The following OR1J2 variants were observed in gnomAD, a reference collection of about 807,000 sequenced individuals.
OR1J2 encodes the protein olfactory receptor 1J2.
For missense variants in OR1J2, 304 were observed against 246.1 expected (o/e 1.24, Z -1.57); for synonymous variants, 142 against 99.7 (o/e 1.42, Z -2.52).
chr9:122,466,558 C>T, the OR1J2 span, among the ~76,000 whole-genome samples: 288 of 152,276 alleles, frequency 1.9e-3, 1 homozygote, highest in Non-Finnish European at 3.4e-3. Context: ...TACTAAAAAC[C>T]ACTAACATTC....
At chr9:122,511,839 GC>G (rs1828644760), downstream of OR1J2, 5 of 689,612 alleles carry the variant, frequency 7.3e-6, no homozygotes, top group South Asian at 8.3e-5. Context: ...ATGTCCTGAA[GC>G]CCTAAGACAA....
the OR1J2 span, among the ~76,000 whole-genome samples, chr9:122,560,099 T>C: frequency 1.1e-3 from 172 of 152,322 alleles, no homozygotes; most frequent in Non-Finnish European, 1.4e-3. Context: ...TGTTTGTCTT[T>C]TTTTATTTTT....
chr9:122,569,786 G>T, the OR1J2 span, among the ~76,000 whole-genome samples: 1 of 151,880 alleles, frequency 6.6e-6, no homozygotes, highest in African/African-American at 2.4e-5. Context: ...CCATTAACTC[G>T]TCATTTAGCA....
At chr9:122,570,987 T>C in the OR1J2 span, among the ~76,000 whole-genome samples, 2 of 152,206 alleles carry the variant, frequency 1.3e-5, no homozygotes, top group Admixed American at 1.3e-4. Context: ...TGAATAATAG[T>C]AAAAATTTGA....
the OR1J2 span, among the ~76,000 whole-genome samples, chr9:122,504,036 A>G: frequency 6.6e-6 from 1 of 152,222 alleles, no homozygotes; most frequent in African/African-American, 2.4e-5. Context: ...ACAGACTTCA[A>G]TACAACGTAG....
chr9:122,577,422 CT>C, the OR1J2 span, among the ~76,000 whole-genome samples: 4 of 152,104 alleles, frequency 2.6e-5, no homozygotes, highest in Non-Finnish European at 5.9e-5. Context: ...TTGGGATAGT[CT>C]GTGTTTAAAT....
the OR1J2 span, among the ~76,000 whole-genome samples, chr9:122,538,170 C>T: frequency 6.6e-6 from 1 of 151,230 alleles, no homozygotes; most frequent in Non-Finnish European, 1.5e-5. Flanking sequence ...CTGCCCCTGC[C>T]TGGTACAAGT....
chr9:122,532,794 C>T, the OR1J2 span, among the ~76,000 whole-genome samples: 170 of 152,184 alleles, frequency 1.1e-3, 1 homozygote, highest in African/African-American at 3.8e-3. Context: ...CTACAGGGTG[C>T]GGTCCCGGCT....
At chr9:122,469,124 G>C in the OR1J2 span, among the ~76,000 whole-genome samples, 1 of 152,352 alleles carries the variant, frequency 6.6e-6, no homozygotes, top group East Asian at 1.9e-4. Flanking sequence ...AGGCAGATCT[G>C]TTTGCCCTCG....
the OR1J2 span, among the ~76,000 whole-genome samples, chr9:122,548,057 T>G: frequency 1.3e-5 from 2 of 152,222 alleles, no homozygotes; most frequent in African/African-American, 4.8e-5. Flanking sequence ...TTGAGCATTT[T>G]CCTCATATGC....
At chr9:122,508,782 T>C (rs1380681941), upstream of OR1J2, among the ~76,000 whole-genome samples, 1 of 152,212 alleles carries the variant, frequency 6.6e-6, no homozygotes, top group Non-Finnish European at 1.5e-5. Context: ...TTTAACAAAT[T>C]ACCACAAGCT....
the OR1J2 span, chr9:122,477,855 C>T: frequency 3.7e-6 from 6 of 1,613,846 alleles, no homozygotes; most frequent in Non-Finnish European, 5.1e-6. Context: ...AGAACACGGC[C>T]TGCTGCTCTG....
the OR1J2 span, among the ~76,000 whole-genome samples, chr9:122,541,168 A>T: frequency 5.9e-5 from 9 of 152,304 alleles, no homozygotes; most frequent in Non-Finnish European, 1.2e-4. Context: ...TACGGAAATC[A>T]TGTTAAATAA....
At chr9:122,566,564 G>A in the OR1J2 span, among the ~76,000 whole-genome samples, 2 of 152,122 alleles carry the variant, frequency 1.3e-5, no homozygotes, top group East Asian at 1.9e-4. Flanking sequence ...GCTGCATATA[G>A]TTACACTTTA....
At chr9:122,450,577 G>A in the OR1J2 span, among the ~76,000 whole-genome samples, 1 of 152,102 alleles carries the variant, frequency 6.6e-6, no homozygotes, top group Admixed American at 6.5e-5. Flanking sequence ...CACCTCAAAT[G>A]CTTATCATTT....
chr9:122,571,714 C>CA, the OR1J2 span, among the ~76,000 whole-genome samples: 35,575 of 124,124 alleles, frequency 0.29, 4,936 homozygotes, highest in African/African-American at 0.37. Context: ...GACTCAGTCT[C>CA]AAAAAAAAAA....
chr9:122,511,075 A>G lies in OR1J2; in HGVS notation c.274A>G (p.Ile92Val), dbSNP rs767225008. ...GGACATGCGGACTAAGTACAAATCG[A>G]TCCTCTATGAGGAATGCATTTCTCA... ...LMDMRTKYKS[I>V]LYEECISQMY... Residue 92 changes from isoleucine (I) to valine (V), a missense_variant, in exon 1 of 1, where the codon ATC (isoleucine) becomes GTC (valine). Ile to Val is a conservative substitution (Grantham distance 29). Coordinates refer to ENST00000335302, the MANE Select transcript of OR1J2 (RefSeq NM_054107.1). 1.5e-5 allele frequency: 19 copies of G among 1,276,466 alleles called. No individual in the cohort carries two copies. Among genetic ancestry groups the G allele is most frequent in the Middle Eastern group, 3.8e-4 (2 of 5,328 alleles). The allele number at this position is 1,276,466 out of a possible 1,614,324, so 79.1% of individuals were successfully genotyped here.
chr9:122,489,219 TGTGGGAAACTTATGAGGGGAG>T, the OR1J2 span, among the ~76,000 whole-genome samples: 3 of 152,082 alleles, frequency 2.0e-5, no homozygotes, highest in Non-Finnish European at 4.4e-5. Context: ...AAGTGTTCTG[TGTGGGAAACTTATGAGGGGAG>T]AAGAAAAGAC....
the OR1J2 span, among the ~76,000 whole-genome samples, chr9:122,570,598 G>A: frequency 2.5e-4 from 38 of 152,284 alleles, no homozygotes; most frequent in Admixed American, 4.6e-4. Flanking sequence ...AGAGGGACAA[G>A]GATATTGTAA....
Sources: allele counts gnomAD v4.1 joint callset (sites outside exome capture counted in the v4.1 genomes callset), GRCh38; gene constraint gnomAD v4.1.1; transcripts MANE v1.5; gene names NCBI Gene and HGNC (gene_info 2026-07-23, HGNC 2026-07-21).